Variants in TGM2 observed in about 807,000 individuals in gnomAD.
The protein encoded by TGM2 is protein-glutamine gamma-glutamyltransferase 2.
A neutral mutation model predicts 75.6 loss-of-function variants in TGM2; 53 were observed. The ratio of observed to expected loss-of-function variants is 0.70; its 90% CI spans 0.56 to 0.88. The LOEUF (loss-of-function observed/expected upper bound fraction) is 0.88, where lower values mean the gene tolerates loss of function less well. Ranked by LOEUF, TGM2 falls within the 40% of genes least tolerant of loss-of-function variation. The pLI, the probability that TGM2 is intolerant of heterozygous loss-of-function variation, is 0.00. For synonymous variants in TGM2, 374 were observed against 381.1 expected, an observed-to-expected ratio of 0.98 and a Z score of 0.22; for missense variants, 842 against 928.5, an observed-to-expected ratio of 0.91 and a Z score of 1.21.
intron 2 of TGM2, among the ~76,000 whole-genome samples, chr20:38,159,229 G>T (rs527672531): frequency 6.6e-6 from 1 of 152,168 alleles, no homozygotes; most frequent in African/African-American, 2.4e-5. Flanking sequence ...AAAGAAGGCA[G>T]CCTTATCCTC....
intron 11 of TGM2, among the ~76,000 whole-genome samples, chr20:38,131,672 G>A (rs1035346089): frequency 1.3e-5 from 2 of 152,096 alleles, no homozygotes; most frequent in Non-Finnish European, 2.9e-5. Flanking sequence ...CCAGCAGAAT[G>A]TCTGACACAC....
chr20:38,159,824 G>T (rs1274562078), intron 2 of TGM2, among the ~76,000 whole-genome samples: 4 of 152,234 alleles, frequency 2.6e-5, no homozygotes, highest in African/African-American at 4.8e-5. Context: ...CTTCTAAGCT[G>T]CGAGGATTCA....
At chr20:38,163,468 T>C (rs1361004095) in intron 1 of TGM2, among the ~76,000 whole-genome samples, 1 of 152,230 alleles carries the variant, frequency 6.6e-6, no homozygotes, top group Non-Finnish European at 1.5e-5. Flanking sequence ...GATGCTATCA[T>C]GATTCCCATT....
Position 38,150,869 on chromosome 20 carries a change from G to T in TGM2, c.552+70C>A, listed in dbSNP as rs562620204. ...CACTCCCACCTGTGCAGCTTTGGCT[G>T]CCCCCAGACACAGGGCCGGGCACAC... is the stretch of plus-strand genomic sequence containing the variant. On this transcript the variant is annotated intron_variant, in intron 4 of 12. Transcript: ENST00000361475. 13 of 1,195,432 alleles carry T rather than the reference G, an allele frequency of 1.1e-5. No individual in the cohort carries two copies. The African/African-American group carries it at 1.3e-4, about 12-fold the overall frequency. 74.1% of individuals were successfully genotyped at this position (1,195,432 alleles called of 1,614,324 possible). A position where few individuals can be genotyped will look rare whatever the true frequency, so the allele number is the denominator to read the frequency against.
Position 38,130,134 on chromosome 20 carries a change from A to C in TGM2, c.*85T>G. On this transcript the variant is annotated 3_prime_UTR_variant, in exon 13 of 13. Coordinates refer to ENST00000361475, the MANE Select transcript of TGM2 (RefSeq NM_004613.4). ...CACCCTGCCCTGGGGTCTGGGGCCCAAGAAGGGGCATATTTTGCTCACTAG... is the reference window on the plus strand; with the variant it reads ...CACCCTGCCCTGGGGTCTGGGGCCCCAGAAGGGGCATATTTTGCTCACTAG... 6.3e-7 allele frequency: 1 copy of C among 1,575,592 alleles called. No homozygotes were observed. The highest frequency in any genetic ancestry group is 8.6e-7 in the Non-Finnish European group (1 of 1,159,060).
chr20:38,145,228 G>A (rs1298929748), intron 6 of TGM2: 2 of 152,130 alleles, frequency 1.3e-5, no homozygotes, highest in Non-Finnish European at 2.9e-5. Context: ...GGATGTGCTG[G>A]GGGCCCTGCC....
rs770856439 is a variant in TGM2 at position 38,138,385 on chromosome 20, C to T, written c.1343G>A (p.Gly448Glu). 1.4e-5 allele frequency: 23 copies of T among 1,613,690 alleles called. No individual in the cohort carries two copies. Among genetic ancestry groups the T allele is most frequent in the South Asian group, 9.9e-5 (9 of 91,056 alleles). Residue 448 changes from glycine to glutamate, a missense_variant and splice_region_variant, in exon 10 of 13, where the codon GGG (glycine) becomes GAG (glutamate). Coordinates refer to ENST00000361475, the MANE Select transcript of TGM2 (RefSeq NM_004613.4). ...DITHTYKYPEGSSEEREAFTR... is the reference protein window; with the variant it reads ...DITHTYKYPEESSEEREAFTR... ...GAAGGCCTCCCTCTCCTCTGAGGAC[C>T]CTGTAGGGGTTGAGAAGAGAGCCTC...
At chr20:38,139,856 C>A (rs45625339) in intron 8 of TGM2, among the ~76,000 whole-genome samples, 7,207 of 152,264 alleles carry the variant, frequency 0.047, 486 homozygotes, top group African/African-American at 0.15. Flanking sequence ...AGGTTCAAAT[C>A]CCAGCTCAGC....
intron 4 of TGM2, among the ~76,000 whole-genome samples, chr20:38,149,873 T>A (rs1346919014): frequency 1.3e-5 from 2 of 151,990 alleles, no homozygotes; most frequent in Non-Finnish European, 2.9e-5. Context: ...GAGCAGTTAG[T>A]TTTGCAATTA....
At chr20:38,165,800 C>G (rs532876820), upstream of TGM2, among the ~76,000 whole-genome samples, 1 of 151,904 alleles carries the variant, frequency 6.6e-6, no homozygotes, top group Non-Finnish European at 1.5e-5. Flanking sequence ...CACAGATACA[C>G]TCCCACAGAT....
upstream of TGM2, among the ~76,000 whole-genome samples, chr20:38,166,918 G>C (rs2075315524): frequency 6.6e-6 from 1 of 152,154 alleles, no homozygotes; most frequent in Admixed American, 6.5e-5. Context: ...CCGACCGAGA[G>C]GGAAGTCGGT....
At chr20:38,160,357 C>A (rs2075238967) in intron 2 of TGM2, among the ~76,000 whole-genome samples, 1 of 152,204 alleles carries the variant, frequency 6.6e-6, no homozygotes, top group Non-Finnish European at 1.5e-5. Context: ...GAATGGCCAA[C>A]AAAGAAAATT....
chr20:38,165,320 G>A (rs972783519), upstream of TGM2: 6 of 1,479,412 alleles, frequency 4.1e-6, no homozygotes, highest in South Asian at 2.3e-5. Context: ...GGGCGGGCCG[G>A]GGGCGGGGCC....
intron 10 of TGM2, among the ~76,000 whole-genome samples, chr20:38,137,681 T>C (rs2074916475): frequency 6.6e-6 from 1 of 151,708 alleles, no homozygotes; most frequent in South Asian, 2.1e-4. Flanking sequence ...ACAGGAGAGG[T>C]TCTCGAAGGG....
intron 4 of TGM2, among the ~76,000 whole-genome samples, chr20:38,150,628 T>C (rs1341621494): frequency 6.6e-6 from 1 of 152,204 alleles, no homozygotes; most frequent in African/African-American, 2.4e-5. Context: ...TACTGCCTAT[T>C]GTTTCAATAC....
At chr20:38,139,817 A>G (rs933570220) in intron 8 of TGM2, among the ~76,000 whole-genome samples, 163 bp from the exon 9 acceptor site, 2 of 152,230 alleles carry the variant, frequency 1.3e-5, no homozygotes, top group African/African-American at 4.8e-5. Flanking sequence ...GCAAGGGTTC[A>G]GAATAGGGGC....
intron 12 of TGM2, among the ~76,000 whole-genome samples, chr20:38,130,584 G>A (rs766784932): frequency 5.9e-5 from 9 of 152,260 alleles, no homozygotes; most frequent in Non-Finnish European, 7.3e-5. Context: ...AAAGCAGATG[G>A]TGCATTTAGG....
At chr20:38,157,946 T>C (rs1249821014) in intron 2 of TGM2, among the ~76,000 whole-genome samples, 1 of 152,216 alleles carries the variant, frequency 6.6e-6, no homozygotes, top group African/African-American at 2.4e-5. Flanking sequence ...ATTGTCTAGT[T>C]CGATTGAAGA....
chr20:38,138,189 G>A lies in TGM2; in HGVS notation c.1539C>T (p.Thr513=), dbSNP rs140171902. ...YVCRLLLCAR[T]VSYNGILGPE... ...GCCCCAAGATCCCATTGTAGCTGAC[G>A]GTGCGGGCACAGAGCAGGAGGCGGC... Residue 513 remains threonine (T), a synonymous_variant, in exon 10 of 13, where the codon ACC becomes ACT. Coordinates refer to ENST00000361475, the MANE Select transcript of TGM2 (RefSeq NM_004613.4). 2.5e-4 allele frequency: 401 copies of A among 1,608,522 alleles called. 1 individual carries two copies. Among genetic ancestry groups the A allele is most frequent in the Admixed American group, 4.6e-4 (27 of 59,056 alleles).
Sources: allele counts gnomAD v4.1 joint callset (sites outside exome capture counted in the v4.1 genomes callset), GRCh38; gene constraint gnomAD v4.1.1; transcripts MANE v1.5; gene names NCBI Gene and HGNC (gene_info 2026-07-23, HGNC 2026-07-21).